Variants in SMTN observed in about 807,000 individuals in gnomAD.
SMTN encodes the protein smoothelin.
Under a neutral mutation model 102.0 loss-of-function variants are expected in SMTN, and 58 were observed. That is an observed-to-expected ratio of 0.57 (90% CI 0.46 to 0.71). The LOEUF (loss-of-function observed/expected upper bound fraction) is 0.71. SMTN is among the 30% of genes least tolerant of loss of function. The pLI is 0.00. For missense variants in SMTN, 1,185 were observed against 1,241.7 expected, an observed-to-expected ratio of 0.95 and a Z score of 0.69; for synonymous variants, 478 against 497.9, an observed-to-expected ratio of 0.96 and a Z score of 0.53.
intron 11 of SMTN, 135 bp downstream of exon 11, chr22:31,091,982 G>A (rs2043176606): frequency 1.1e-6 from 1 of 877,096 alleles, no homozygotes; most frequent in Non-Finnish European, 1.7e-6. Flanking sequence ...GAGAGGGAAG[G>A]TGGCTGCTCA....
In SMTN at chr22:31,090,894, C is replaced by A; in HGVS notation, c.937+15C>A. On this transcript the variant is annotated intron_variant, in intron 9 of 20. Transcript: ENST00000333137. ...CCAGAACCGAGGTACTACCTATTCT[C>A]ACCCTGCCTAGGATCTGTGCAGACC... The A allele has an allele frequency of 6.2e-7, 1 of 1,613,904 alleles. No homozygotes were observed. Among genetic ancestry groups the A allele is most frequent in the South Asian group, 1.1e-5 (1 of 91,082 alleles).
intron 1 of SMTN, chr22:31,066,764 T>A (rs1398603188): frequency 6.6e-6 from 1 of 152,236 alleles, no homozygotes; most frequent in African/African-American, 2.4e-5. Flanking sequence ...TTATTTTATT[T>A]TATTTTTTGA....
chr22:31,103,330 G>A (rs1250947017), intron 20 of SMTN: 1 of 152,276 alleles, frequency 6.6e-6, no homozygotes, highest in East Asian at 1.9e-4. Flanking sequence ...AGATAGGAGG[G>A]ATCAAGGCAG....
intron 11 of SMTN, chr22:31,092,362 G>T (rs539621282): frequency 6.7e-6 from 3 of 447,084 alleles, no homozygotes; most frequent in South Asian, 4.8e-5. Context: ...GAAGCTCTGA[G>T]GGGGGACAGA....
At chr22:31,084,316 C>T (rs1411448199) in intron 2 of SMTN, among the ~76,000 whole-genome samples, 1 of 152,198 alleles carries the variant, frequency 6.6e-6, no homozygotes, top group Non-Finnish European at 1.5e-5. Context: ...AGACAAGTGA[C>T]CCACCCCACT....
intron 13 of SMTN, 192 bp from the exon 14 acceptor site, chr22:31,096,541 C>T (rs1056304411): frequency 1.9e-6 from 1 of 525,406 alleles, no homozygotes; most frequent in Non-Finnish European, 3.3e-6. Flanking sequence ...ACCCTTCCCA[C>T]ACTCCATTCC....
chr22:31,089,016 C>T lies in SMTN; in HGVS notation c.471+47C>T, dbSNP rs572581329. 1.8e-4 allele frequency: 265 copies of T among 1,481,732 alleles called. 1 individual carries two copies. Among genetic ancestry groups the T allele is most frequent in the East Asian group, 2.5e-4 (11 of 44,056 alleles). 91.8% of individuals were successfully genotyped at this position (1,481,732 alleles called of 1,614,324 possible). A position where few individuals can be genotyped will look rare whatever the true frequency, so the allele number is the denominator to read the frequency against. ...CCCAGTGTCCTGTGCCCATGGATAC[C>T]GGTAGCACAGAGTGCCTGAGTGTCT... is the stretch of plus-strand genomic sequence containing the variant. On this transcript the variant is annotated intron_variant, in intron 6 of 20. Transcript: ENST00000333137.
At position 31,099,853 on chromosome 22, in the gene SMTN, C is replaced by T; in HGVS notation, c.2560C>T (p.Gln854Ter). The T allele has an allele frequency of 6.2e-7, 1 of 1,614,106 alleles. No individual in the cohort carries two copies. Among genetic ancestry groups the T allele is most frequent in the African/African-American group, 1.3e-5 (1 of 75,052 alleles). Residue 854 changes from glutamine (Q) to a stop codon, truncating the protein, a stop_gained, in exon 19 of 21, where the codon CAG becomes TAG. Transcript: ENST00000333137. LOFTEE classifies it high-confidence loss of function. ...CTTCGACTATGGGCAGCTTAGCCCTCAGAACCGACGCCAGAACTTCGAGGT... is the reference window on the plus strand; with the variant it reads ...CTTCGACTATGGGCAGCTTAGCCCTTAGAACCGACGCCAGAACTTCGAGGT... ...EAFDYGQLSPQNRRQNFEVAF... is the reference protein window; with the variant it reads ...EAFDYGQLSP
chr22:31,084,140 G>A (rs1345376814), intron 2 of SMTN, among the ~76,000 whole-genome samples: 1 of 152,184 alleles, frequency 6.6e-6, no homozygotes, highest in East Asian at 1.9e-4. Flanking sequence ...TGAGAGCCCT[G>A]TCTACCTCCA....
intron 20 of SMTN, chr22:31,102,111 G>A (rs371563147): frequency 1.1e-4 from 16 of 152,294 alleles, no homozygotes; most frequent in African/African-American, 3.6e-4. Context: ...TTCTGGCTGG[G>A]GACTCTGGAT....
At chr22:31,084,977 T>C in intron 2 of SMTN, 1 of 1,458,754 alleles carries the variant, frequency 6.9e-7, no homozygotes, top group South Asian at 1.4e-5. Context: ...CTAGGCCCGC[T>C]CCGCCCGCCC....
chr22:31,079,595 A>G (rs1255467157), upstream of SMTN, among the ~76,000 whole-genome samples: 1 of 152,236 alleles, frequency 6.6e-6, no homozygotes, highest in African/African-American at 2.4e-5. Flanking sequence ...TGAATTTTGA[A>G]GTATTCAGAA....
chr22:31,096,802 A>C lies in SMTN; in HGVS notation c.1931A>C (p.Asn644Thr). The change falls in exon 14 of 21, where the codon AAC becomes ACC. Residue 644 changes from asparagine (N) to threonine (T), a missense_variant. Physicochemically the swap from Asn to Thr is moderately conservative, Grantham distance 65. Around this residue, in one of 2 missense-constraint regions of SMTN, gnomAD observed 1,096 missense variants for 1,112.7 expected, o/e 0.98. Transcript: ENST00000333137. ...ARGRPGEGRG[N>T]TATETTTRHS... ...GGCCGGCCAGGGGAGGGGCGCGGCA[A>C]CACAGCCACTGAGACCACCACGAGG... The C allele has an allele frequency of 6.4e-7, 1 of 1,570,652 alleles. No homozygotes were observed. The highest frequency in any genetic ancestry group is 8.6e-7 in the Non-Finnish European group (1 of 1,159,088).
Position 31,095,381 on chromosome 22 carries a change from G to A in SMTN, c.1711G>A (p.Ala571Thr). ...GGCTGAGCAGACCCGAGTGAACAAA[G>A]CACCAGAAGGGCGGAGCCCTCTGAG... is the stretch of plus-strand genomic sequence containing the variant. ...NGAEQTRVNK[A>T]PEGRSPLSAE... is the part of the protein sequence containing the mutation. The change falls in exon 12 of 21, where the codon GCA becomes ACA. Residue 571 changes from alanine to threonine, a missense_variant. Coordinates refer to ENST00000333137, the MANE Select transcript of SMTN (RefSeq NM_134269.3). The surrounding 1 kb of genome is among the most constrained non-coding windows in gnomAD (Gnocchi z 4.1). 6.2e-7 allele frequency: 1 copy of A among 1,614,242 alleles called. No homozygotes were observed. Among genetic ancestry groups the A allele is most frequent in the Non-Finnish European group, 8.5e-7 (1 of 1,180,042 alleles).
Position 31,081,334 on chromosome 22 carries a change from G to C in SMTN, c.-203G>C, listed in dbSNP as rs1455678917. ...CAGCTCTCCGCAGAATCCAGGGGAC[G>C]GTTGCTGAGCGGGCCTGGGACAGCG... On this transcript the variant is annotated 5_prime_UTR_variant, in exon 1 of 21. Transcript: ENST00000333137. 3 of 152,272 alleles carry C rather than the reference G, an allele frequency of 2.0e-5. No individual in the cohort carries two copies. The highest frequency in any genetic ancestry group is 7.2e-5 in the African/African-American group (3 of 41,462). 9.4% of individuals were successfully genotyped at this position (152,272 alleles called of 1,614,324 possible). A position where few individuals can be genotyped will look rare whatever the true frequency, so the allele number is the denominator to read the frequency against.
chr22:31,091,649 T>C, intron 10 of SMTN, 26 bp from the exon 11 acceptor site: 1 of 1,563,802 alleles, frequency 6.4e-7, no homozygotes, highest in East Asian at 2.3e-5. Flanking sequence ...CTGATCCTCC[T>C]GACAGCCACC....
rs761348312 is a variant in SMTN at position 31,091,198 on chromosome 22, G to A, written c.1175G>A (p.Arg392Gln). 11 of 1,612,888 alleles carry A rather than the reference G, an allele frequency of 6.8e-6. No homozygotes were observed. The highest frequency in any genetic ancestry group is 3.3e-5 in the South Asian group (3 of 91,038). The change falls in exon 10 of 21, where the codon CGG (arginine) becomes CAG (glutamine). Residue 392 changes from arginine (R) to glutamine (Q), a missense_variant. Physicochemically the swap from Arg to Gln is conservative, Grantham distance 43 (BLOSUM62 1). This residue lies in a region of SMTN where 1,096 missense variants were observed against 1,112.7 expected (regional missense o/e 0.98). Transcript: ENST00000333137. ...SSRGPSDTSS[R>Q]FSKEQRGVAQ... is the part of the protein sequence containing the mutation. ...CGGGGCCCCAGTGATACCTCCTCCC[G>A]GTTCAGCAAGGAGCAACGAGGAGTA...
At chr22:31,073,282 C>T (rs976804498) in intron 1 of SMTN, among the ~76,000 whole-genome samples, 14 of 152,118 alleles carry the variant, frequency 9.2e-5, no homozygotes, top group African/African-American at 2.9e-4. Flanking sequence ...CACGCATGCA[C>T]GCCAGCCCCA....
chr22:31,085,938 C>G (rs191050460), intron 2 of SMTN, among the ~76,000 whole-genome samples: 1 of 152,352 alleles, frequency 6.6e-6, no homozygotes, highest in Admixed American at 6.5e-5. Flanking sequence ...GAGACAAGGA[C>G]CCCATCTCCG....
Sources: allele counts gnomAD v4.1 joint callset (sites outside exome capture counted in the v4.1 genomes callset), GRCh38; gene constraint gnomAD v4.1.1; regional missense constraint gnomAD v4.1.1; non-coding constraint Gnocchi (gnomAD v3.1); transcripts MANE v1.5; gene names NCBI Gene and HGNC (gene_info 2026-07-23, HGNC 2026-07-21).